PCGF3: variants seen among roughly 807,000 people sequenced by gnomAD.
PCGF3 encodes the protein polycomb group RING finger protein 3.
PCGF3 carries 7 observed loss-of-function variants against 33.1 expected under a neutral mutation model. The ratio of observed to expected loss-of-function variants is 0.21; its 90% CI spans 0.12 to 0.40. PCGF3 has a LOEUF of 0.40. PCGF3 is among the 10% of genes least tolerant of loss of function. The pLI, the probability that PCGF3 is intolerant of heterozygous loss-of-function variation, is 1.00. For synonymous variants in PCGF3, 153 were observed against 121.3 expected (o/e 1.26, Z -1.72); for missense variants, 211 against 313.3 (o/e 0.67, Z 2.46).
intron 1 of PCGF3, among the ~76,000 whole-genome samples, chr4:719,772 C>G (rs1266657738): frequency 6.6e-6 from 1 of 152,164 alleles, no homozygotes; most frequent in African/African-American, 2.4e-5. Flanking sequence ...AGACAAAGAG[C>G]TGGAGGCATC....
At chr4:719,267 T>TA (rs1253151746) in intron 1 of PCGF3, among the ~76,000 whole-genome samples, 3 of 152,192 alleles carry the variant, frequency 2.0e-5, no homozygotes, top group African/African-American at 7.2e-5. Context: ...TTCATTTTCT[T>TA]AAAAAAACTT....
exon 11 of PCGF3, chr4:766,196 T>A (rs1745363503): frequency 1.3e-6 from 1 of 755,724 alleles, no homozygotes; most frequent in East Asian, 2.7e-5. Flanking sequence ...ATAGAGAATA[T>A]TTATAACTTT....
At chr4:765,334 G>A (rs1745303188) in intron 10 of PCGF3, among the ~76,000 whole-genome samples, 1 of 152,144 alleles carries the variant, frequency 6.6e-6, no homozygotes, top group Non-Finnish European at 1.5e-5. Flanking sequence ...TCAGGAGGCT[G>A]AGGCAGGAGA....
chr4:717,833 A>G (rs1742921964), intron 1 of PCGF3, among the ~76,000 whole-genome samples: 1 of 152,216 alleles, frequency 6.6e-6, no homozygotes, highest in Admixed American at 6.5e-5. Flanking sequence ...TCCACGCGGC[A>G]GGGGCAGAGG....
At chr4:728,003 G>A (rs1411100613) in intron 1 of PCGF3, among the ~76,000 whole-genome samples, 1 of 152,206 alleles carries the variant, frequency 6.6e-6, no homozygotes, top group Admixed American at 6.5e-5. Flanking sequence ...CTCCCTGTAG[G>A]TTCTGGAACT....
chr4:733,833 C>T, intron 4 of PCGF3, 44 bp downstream of exon 4: 1 of 1,613,454 alleles, frequency 6.2e-7, no homozygotes, highest in Non-Finnish European at 8.5e-7. Flanking sequence ...GCGCCCTTCC[C>T]AGCTCTGTGC....
intron 1 of PCGF3, among the ~76,000 whole-genome samples, chr4:713,666 C>A (rs1214842701): frequency 1.3e-5 from 2 of 152,116 alleles, no homozygotes; most frequent in African/African-American, 4.8e-5. Flanking sequence ...AGGGCGTGGC[C>A]CGTATTAGAT....
chr4:766,380 A>C (rs1017269857), exon 11 of PCGF3: 7 of 293,290 alleles, frequency 2.4e-5, no homozygotes, highest in African/African-American at 1.5e-4. Context: ...ACCTTCTGAC[A>C]CGAGCTCCCT....
At chr4:733,722 C>T (rs1462517574) in exon 4 of PCGF3, 12 of 1,611,504 alleles carry the variant, frequency 7.4e-6, no homozygotes, top group African/African-American at 4.0e-5. Flanking sequence ...TCAACGCCCA[C>T]ATCACCTGCC....
intron 6 of PCGF3, among the ~76,000 whole-genome samples, chr4:743,070 C>T (rs555903435): frequency 5.3e-5 from 8 of 152,218 alleles, no homozygotes; most frequent in East Asian, 1.9e-4. Flanking sequence ...CTGGCTCAGC[C>T]GTGAGGTCAG....
chr4:748,089 G>A (rs1744344078), intron 8 of PCGF3, among the ~76,000 whole-genome samples: 1 of 152,170 alleles, frequency 6.6e-6, no homozygotes, highest in African/African-American at 2.4e-5. Context: ...AGTGAACGTC[G>A]AGGGCCTCTT....
At chr4:761,338 C>T (rs1745045634) in exon 9 of PCGF3, 1 of 1,610,810 alleles carries the variant, frequency 6.2e-7, no homozygotes, top group East Asian at 2.2e-5. Flanking sequence ...GGAAGTGGAT[C>T]CGCTGCTCAG....
chr4:762,182 T>C (rs1745097764), intron 9 of PCGF3: 1 of 698,540 alleles, frequency 1.4e-6, no homozygotes, highest in Non-Finnish European at 1.8e-6. Flanking sequence ...TGGAAAAGGA[T>C]CTTTGTAGAT....
At chr4:760,840 C>T (rs1745014771) in intron 8 of PCGF3, among the ~76,000 whole-genome samples, 1 of 152,248 alleles carries the variant, frequency 6.6e-6, no homozygotes, top group Admixed American at 6.5e-5. Context: ...GCAGCTGTGA[C>T]CTTCCGCCTG....
chr4:765,073 C>T lies in PCGF3; in HGVS notation c.681+9C>T, dbSNP rs770607620. ...CTAGGTGGAGATTCAAGGTGAGACA[C>T]GTGATTTGATTTTCAGAGTCTGCTC... On this transcript the variant is annotated intron_variant, in intron 10 of 10. Transcript: ENST00000362003. 14 of 1,595,614 alleles carry T rather than the reference C, an allele frequency of 8.8e-6. No homozygotes were observed. Among genetic ancestry groups the T allele is most frequent in the African/African-American group, 4.0e-5 (3 of 74,518 alleles).
At chr4:718,859 A>G (rs1439801976) in intron 1 of PCGF3, among the ~76,000 whole-genome samples, 1 of 152,190 alleles carries the variant, frequency 6.6e-6, no homozygotes, top group African/African-American at 2.4e-5. Context: ...TGGAGCAGGG[A>G]TGCTTACTGT....
chr4:753,097 G>T (rs1420691862), intron 8 of PCGF3, among the ~76,000 whole-genome samples: 2 of 152,266 alleles, frequency 1.3e-5, no homozygotes, highest in Non-Finnish European at 2.9e-5. Flanking sequence ...TGAGCTGCCA[G>T]GTGGCCCAGG....
intron 1 of PCGF3, among the ~76,000 whole-genome samples, chr4:715,884 C>T (rs887726593): frequency 8.5e-6 from 1 of 118,164 alleles, no homozygotes; most frequent in African/African-American, 2.9e-5. Flanking sequence ...TGCTGGGACC[C>T]TGTGGACACT....
intron 8 of PCGF3, among the ~76,000 whole-genome samples, chr4:747,628 C>T (rs112663099): frequency 3.4e-3 from 204 of 59,374 alleles, no homozygotes; most frequent in Middle Eastern, 0.017. Context: ...AGTGTTAGTG[C>T]TCGCCGTGGA....
Sources: gnomAD v4.1 joint callset for allele counts (sites outside exome capture counted in the v4.1 genomes callset) on GRCh38, gnomAD v4.1.1 for gene constraint, MANE v1.5 for transcripts, NCBI Gene and HGNC (gene_info 2026-07-23, HGNC 2026-07-21) for gene names.